MSRA: variants seen among roughly 807,000 people sequenced by gnomAD.
The protein encoded by MSRA is mitochondrial peptide methionine sulfoxide reductase.
A neutral mutation model predicts 31.3 loss-of-function variants in MSRA; 54 were observed. The ratio of observed to expected loss-of-function variants is 1.73; its 90% CI spans 1.39 to 2.17. The LOEUF (loss-of-function observed/expected upper bound fraction) is 2.17. Among genes scored for constraint, MSRA ranks in the 30% most tolerant of loss-of-function variants. MSRA has a pLI of 0.00. For synonymous variants in MSRA, 169 were observed against 116.5 expected (o/e 1.45, Z -2.90); for missense variants, 507 against 300.9 (o/e 1.69, Z -5.07).
chr8:10,177,779 G>C (rs1806188400), intron 1 of MSRA, among the ~76,000 whole-genome samples: 1 of 152,302 alleles, frequency 6.6e-6, no homozygotes, highest in Non-Finnish European at 1.5e-5. Context: ...TTAAAAACCA[G>C]TCTTGGAAAG....
At position 10,116,757 on chromosome 8, in the gene MSRA, T is replaced by G. The variant is rs189621764; in HGVS notation, c.142+62099T>G. On this transcript the variant is annotated intron_variant, in intron 1 of 5. Transcript: ENST00000317173. The stretch of plus-strand genomic sequence containing the variant: ...CTGAGGCAGGCGGATCACCTGAGGT[T>G]GGGAGTGTGAGACCAGCCTGACCAA... 7.0e-4 allele frequency among the ~76,000 whole-genome samples: 106 copies of G among 152,108 alleles called. 1 individual carries two copies. The highest frequency in any genetic ancestry group is 1.2e-3 in the Non-Finnish European group (81 of 67,994).
chr8:10,203,812 A>G (rs1282318577), intron 1 of MSRA, among the ~76,000 whole-genome samples: 1 of 152,228 alleles, frequency 6.6e-6, no homozygotes, highest in Non-Finnish European at 1.5e-5. Context: ...ATAGGAGATG[A>G]CAGCTCCAAG....
At chr8:10,341,492 C>T (rs139049646) in intron 5 of MSRA, among the ~76,000 whole-genome samples, 1 of 152,186 alleles carries the variant, frequency 6.6e-6, no homozygotes, top group Non-Finnish European at 1.5e-5. Flanking sequence ...CTAGGCCCCA[C>T]CTCCAGGACT....
intron 3 of MSRA, among the ~76,000 whole-genome samples, chr8:10,288,220 T>G (rs1321768990): frequency 3.3e-5 from 5 of 152,186 alleles, no homozygotes; most frequent in African/African-American, 9.7e-5. Context: ...TTTAGACATT[T>G]CTCTCTTGTC....
At chr8:10,083,355 T>G (rs1032542539) in intron 1 of MSRA, among the ~76,000 whole-genome samples, 17 of 152,242 alleles carry the variant, frequency 1.1e-4, no homozygotes, top group Non-Finnish European at 1.9e-4. Flanking sequence ...ATACTGTTTT[T>G]AGATATGTGA....
At chr8:10,319,758 C>T (rs1563345932) in intron 4 of MSRA, 125 bp from the exon 5 acceptor site, 1 of 463,504 alleles carries the variant, frequency 2.2e-6, no homozygotes, top group Admixed American at 4.3e-5. Context: ...AAAACAAGCA[C>T]TTAGCAACAC....
chr8:10,321,690 G>A (rs536975102), intron 5 of MSRA, among the ~76,000 whole-genome samples: 44 of 152,260 alleles, frequency 2.9e-4, no homozygotes, highest in African/African-American at 6.3e-4. Flanking sequence ...CTCTGTTACC[G>A]CGTGAGAGAT....
intron 5 of MSRA, among the ~76,000 whole-genome samples, chr8:10,367,010 A>G (rs1165522046): frequency 6.6e-6 from 1 of 152,174 alleles, no homozygotes; most frequent in Non-Finnish European, 1.5e-5. Flanking sequence ...ACCTGTGGTC[A>G]GGTAACTGCA....
At chr8:10,384,779 G>A (rs993354945) in intron 5 of MSRA, among the ~76,000 whole-genome samples, 3 of 152,124 alleles carry the variant, frequency 2.0e-5, no homozygotes, top group Non-Finnish European at 2.9e-5. Flanking sequence ...AGGCTGAGGT[G>A]GGCAGATCCC....
intron 3 of MSRA, among the ~76,000 whole-genome samples, chr8:10,257,650 C>G (rs190075134): frequency 1.3e-5 from 2 of 152,242 alleles, no homozygotes; most frequent in South Asian, 2.1e-4. Flanking sequence ...CCAGGTGATT[C>G]ATTTACTTTC....
intron 3 of MSRA, among the ~76,000 whole-genome samples, chr8:10,264,762 A>T (rs1207165501): frequency 6.6e-6 from 1 of 152,224 alleles, no homozygotes; most frequent in African/African-American, 2.4e-5. Context: ...GAGGGAGACA[A>T]TCCTTTATAT....
chr8:10,350,438 C>A (rs987125816), intron 5 of MSRA, among the ~76,000 whole-genome samples: 9 of 152,202 alleles, frequency 5.9e-5, no homozygotes, highest in Non-Finnish European at 1.2e-4. Flanking sequence ...CTTCCGAAGG[C>A]ATTTAGATCT....
At chr8:10,268,344 G>C (rs1798853383) in intron 3 of MSRA, among the ~76,000 whole-genome samples, 1 of 151,952 alleles carries the variant, frequency 6.6e-6, no homozygotes, top group South Asian at 2.1e-4. Context: ...GCTGAAAAAT[G>C]ATTTCTAAGA....
chr8:10,301,226 G>T (rs953833551), intron 3 of MSRA, among the ~76,000 whole-genome samples: 31 of 152,152 alleles, frequency 2.0e-4, no homozygotes, highest in African/African-American at 7.0e-4. Flanking sequence ...GGATCCATAA[G>T]GTTTCCTGAG....
intron 1 of MSRA, among the ~76,000 whole-genome samples, chr8:10,068,921 G>A (rs1047343070): frequency 6.6e-6 from 1 of 152,140 alleles, no homozygotes; most frequent in Admixed American, 6.5e-5. Context: ...TTGTGCACAT[G>A]GACTATCTCT....
intron 5 of MSRA, among the ~76,000 whole-genome samples, chr8:10,372,793 A>T (rs887710265): frequency 2.0e-5 from 3 of 152,266 alleles, no homozygotes; most frequent in Non-Finnish European, 4.4e-5. Flanking sequence ...GTCAAGATAG[A>T]CAACTAAAAC....
chr8:10,338,648 AAAG>A (rs1803215694), intron 5 of MSRA, among the ~76,000 whole-genome samples: 1 of 152,252 alleles, frequency 6.6e-6, no homozygotes, highest in African/African-American at 2.4e-5. Context: ...TAAAAAATTT[AAAG>A]AAGAATTGTA....
intron 1 of MSRA, among the ~76,000 whole-genome samples, chr8:10,158,926 G>A (rs917754715): frequency 3.5e-4 from 54 of 152,186 alleles, no homozygotes; most frequent in Non-Finnish European, 6.6e-4. Flanking sequence ...ACTCTACTGC[G>A]TGTGAAATGT....
At position 10,054,638 on chromosome 8, in the gene MSRA, A is replaced by T. The variant is rs1346112328; in HGVS notation, c.122A>T (p.Lys41Met). The stretch of plus-strand genomic sequence containing the variant: ...CCCCAGGAGGCCTTGCCGGGCCGGA[A>T]GGAACAGACCCCTGTAGCGGGTAAG... ...VSPQEALPGR[K>M]EQTPVAAKHH... The change falls in exon 1 of 6, where the codon AAG becomes ATG. Residue 41 changes from lysine (K) to methionine (M), a missense_variant. By Grantham distance (95) the Lys-to-Met change is moderately conservative. Coordinates refer to ENST00000317173, the MANE Select transcript of MSRA (RefSeq NM_012331.5). 6.3e-7 allele frequency: 1 copy of T among 1,575,570 alleles called. No homozygotes were observed. The highest frequency in any genetic ancestry group is 1.8e-5 in the Admixed American group (1 of 55,844).
Sources: gnomAD v4.1 joint callset for allele counts (sites outside exome capture counted in the v4.1 genomes callset) on GRCh38, gnomAD v4.1.1 for gene constraint, MANE v1.5 for transcripts, NCBI Gene and HGNC (gene_info 2026-07-23, HGNC 2026-07-21) for gene names.